The following LHPP variants were observed in gnomAD, a reference collection of about 807,000 sequenced individuals.
The protein encoded by LHPP is hLHPP.
In LHPP, 24 loss-of-function variants were observed where a neutral mutation model predicts 30.3. The ratio of observed to expected loss-of-function variants is 0.79; its 90% CI spans 0.57 to 1.11. LHPP has a LOEUF of 1.11. Ranked by LOEUF, LHPP falls within the 50% of genes most tolerant of loss-of-function variation. The pLI is 0.00. For missense variants in LHPP, 356 were observed against 367.2 expected (o/e 0.97, Z 0.25); for synonymous variants, 150 against 157.1 (o/e 0.95, Z 0.34).
intron 6 of LHPP, among the ~76,000 whole-genome samples, chr10:124,604,725 C>T (rs1230127568): frequency 6.6e-6 from 1 of 152,264 alleles, no homozygotes; most frequent in East Asian, 1.9e-4. Flanking sequence ...GCGTCACCCT[C>T]TGATGCCAGT....
At chr10:124,480,569 A>G (rs1481422109) in intron 1 of LHPP, among the ~76,000 whole-genome samples, 1 of 152,172 alleles carries the variant, frequency 6.6e-6, no homozygotes, top group Non-Finnish European at 1.5e-5. Flanking sequence ...TCTTCACTCA[A>G]CTGCTCCATT....
At chr10:124,578,084 C>G (rs1417613617) in intron 6 of LHPP, among the ~76,000 whole-genome samples, 2 of 152,174 alleles carry the variant, frequency 1.3e-5, no homozygotes, top group Non-Finnish European at 2.9e-5. Flanking sequence ...GGACAGTGGT[C>G]AGGCACACAC....
chr10:124,556,223 C>T (rs1308036180), intron 6 of LHPP, among the ~76,000 whole-genome samples: 1 of 152,176 alleles, frequency 6.6e-6, no homozygotes, highest in Admixed American at 6.5e-5. Context: ...GGGTGTCCAC[C>T]TTCCAAACTG....
intron 6 of LHPP, among the ~76,000 whole-genome samples, chr10:124,567,993 A>G (rs1041803495): frequency 2.0e-5 from 3 of 151,956 alleles, no homozygotes; most frequent in Non-Finnish European, 4.4e-5. Context: ...GCTCACTGCA[A>G]CCTCCGCCTC....
chr10:124,506,947 G>A (rs1430399527), intron 5 of LHPP, among the ~76,000 whole-genome samples: 1 of 32,264 alleles, frequency 3.1e-5, no homozygotes, highest in Non-Finnish European at 6.3e-5. Flanking sequence ...TGGGGGGGTA[G>A]GGAGGATTTC....
chr10:124,552,150 C>A (rs1948180207), intron 6 of LHPP, among the ~76,000 whole-genome samples: 1 of 152,180 alleles, frequency 6.6e-6, no homozygotes, highest in South Asian at 2.1e-4. Context: ...TGCCCTCCAG[C>A]CTTTCCCCAC....
chr10:124,529,607 C>G (rs144500631), intron 6 of LHPP, among the ~76,000 whole-genome samples: 290 of 152,286 alleles, frequency 1.9e-3, no homozygotes, highest in African/African-American at 6.4e-3. Flanking sequence ...AGGGTTTAAT[C>G]CAGGAGCTGA....
rs1291723719 is a variant in LHPP at position 124,488,629 on chromosome 10, A to T, written c.467+54A>T. On this transcript the variant is annotated intron_variant, in intron 3 of 6. Transcript: ENST00000368842. ...TCGGTGCTTTAGATGATGCTGTGCCAGTCTCCAACTTGCGGAATCAGGCAG... is the reference window on the plus strand; with the variant it reads ...TCGGTGCTTTAGATGATGCTGTGCCTGTCTCCAACTTGCGGAATCAGGCAG... 5.3e-6 allele frequency: 8 copies of T among 1,516,776 alleles called. No individual in the cohort carries two copies. The African/African-American group carries it at 9.9e-5, about 19-fold the overall frequency. The allele number at this position is 1,516,776 out of a possible 1,614,324, so 94.0% of individuals were successfully genotyped here.
intron 6 of LHPP, among the ~76,000 whole-genome samples, chr10:124,534,681 G>T (rs541568957): frequency 1.3e-5 from 2 of 152,204 alleles, no homozygotes; most frequent in Non-Finnish European, 2.9e-5. Context: ...GTGAGCGCCC[G>T]TCCTTCCCGC....
At chr10:124,563,485 CAG>C (rs1175313886) in intron 6 of LHPP, among the ~76,000 whole-genome samples, 7 of 151,920 alleles carry the variant, frequency 4.6e-5, no homozygotes, top group African/African-American at 1.7e-4. Flanking sequence ...TCATGCAAAA[CAG>C]ATACTGTTGG....
chr10:124,603,393 C>T (rs550991398), intron 6 of LHPP, among the ~76,000 whole-genome samples: 108 of 152,222 alleles, frequency 7.1e-4, no homozygotes, highest in African/African-American at 2.3e-3. Context: ...CCTGACAGGG[C>T]CACTGCTCCT....
intron 2 of LHPP, 89 bp downstream of exon 2, chr10:124,484,415 C>T: frequency 7.9e-7 from 1 of 1,271,822 alleles, no homozygotes; most frequent in South Asian, 1.3e-5. Flanking sequence ...TTCACTGGGC[C>T]AAACCACTGA....
At chr10:124,583,495 G>A (rs1454170951) in intron 6 of LHPP, among the ~76,000 whole-genome samples, 2 of 152,120 alleles carry the variant, frequency 1.3e-5, no homozygotes, top group African/African-American at 4.8e-5. Context: ...AAATACCTGA[G>A]CCTGGGTAAT....
intron 6 of LHPP, among the ~76,000 whole-genome samples, chr10:124,578,341 AGCCACAGG>A (rs1035947872): frequency 6.6e-6 from 1 of 152,218 alleles, no homozygotes; most frequent in African/African-American, 2.4e-5. Context: ...TTGACAGGTG[AGCCACAGG>A]GCCACAGGCA....
chr10:124,465,037 G>A (rs1013306879), intron 1 of LHPP, among the ~76,000 whole-genome samples: 24 of 152,278 alleles, frequency 1.6e-4, no homozygotes, highest in African/African-American at 5.8e-4. Context: ...CACGGGTAAA[G>A]CGCATCATCA....
chr10:124,538,958 A>G (rs1002563433), intron 6 of LHPP, among the ~76,000 whole-genome samples: 1 of 152,140 alleles, frequency 6.6e-6, no homozygotes, highest in Admixed American at 6.5e-5. Flanking sequence ...ATTTCTCTAA[A>G]TATTGGAGGA....
At chr10:124,524,679 A>AT (rs1954689483) in intron 6 of LHPP, among the ~76,000 whole-genome samples, 2 of 152,146 alleles carry the variant, frequency 1.3e-5, no homozygotes, top group Non-Finnish European at 2.9e-5. Flanking sequence ...ATTAAAAATC[A>AT]AAATTAGCCA....
At chr10:124,466,894 C>G (rs1952565596) in intron 1 of LHPP, among the ~76,000 whole-genome samples, 1 of 151,850 alleles carries the variant, frequency 6.6e-6, no homozygotes, top group African/African-American at 2.4e-5. Context: ...AATCCCAGCA[C>G]TTTGGGAGGC....
At chr10:124,589,021 G>T (rs12357619) in intron 6 of LHPP, among the ~76,000 whole-genome samples, 7,724 of 152,302 alleles carry the variant, frequency 0.051, 293 homozygotes, top group Non-Finnish European at 0.077. Context: ...CCAGCAGCGC[G>T]GCTGTGAGGG....
Sources: allele counts gnomAD v4.1 joint callset (sites outside exome capture counted in the v4.1 genomes callset), GRCh38; gene constraint gnomAD v4.1.1; transcripts MANE v1.5; gene names NCBI Gene and HGNC (gene_info 2026-07-23, HGNC 2026-07-21).